The following AMD1 variants were observed in gnomAD, a reference collection of about 807,000 sequenced individuals.
The protein encoded by AMD1 is adenosylmethionine decarboxylase 1.
A neutral mutation model predicts 40.2 loss-of-function variants in AMD1; 11 were observed. The observed-to-expected ratio is 0.27, with a 90% CI of 0.17 to 0.45. AMD1 has a LOEUF of 0.45. Among genes scored for constraint, AMD1 ranks in the 20% least tolerant of loss-of-function variants. The probability of loss-of-function intolerance (pLI) is 1.00; values close to 1 mark genes in which losing one functional copy is unlikely to be tolerated. For synonymous variants in AMD1, 121 were observed against 130.8 expected, an observed-to-expected ratio of 0.93 and a Z score of 0.51; for missense variants, 257 against 410.2, an observed-to-expected ratio of 0.63 and a Z score of 3.23.
chr6:110,880,224 C>G (rs1279598), intron 1 of AMD1, among the ~76,000 whole-genome samples: 107,008 of 152,058 alleles, frequency 0.7, 38,330 homozygotes, highest in Admixed American at 0.82. Flanking sequence ...GTCCCTTTGT[C>G]CATTTTTTAA....
At chr6:110,847,472 C>A in the AMD1 span, among the ~76,000 whole-genome samples, 1 of 151,528 alleles carries the variant, frequency 6.6e-6, no homozygotes, top group South Asian at 2.1e-4. Flanking sequence ...TTGCAGTGAG[C>A]CGAGATCGCG....
At chr6:110,866,959 G>A in the AMD1 span, among the ~76,000 whole-genome samples, 2 of 151,178 alleles carry the variant, frequency 1.3e-5, no homozygotes, top group Non-Finnish European at 2.9e-5. Context: ...GATTACATGC[G>A]CCCAACATCG....
the AMD1 span, chr6:110,858,703 C>T: frequency 1.0e-5 from 8 of 778,422 alleles, no homozygotes; most frequent in African/African-American, 1.9e-5. Context: ...CGAACTTCGA[C>T]GACGCCACCA....
At position 110,893,918 on chromosome 6, in the gene AMD1, A is replaced by G. The variant is rs558779631; in HGVS notation, c.*302A>G. 3.3e-6 allele frequency: 1 copy of G among 305,684 alleles called. No homozygotes were observed. Among genetic ancestry groups the G allele is most frequent in the East Asian group, 7.2e-5 (1 of 13,894 alleles). The allele number at this position is 305,684 out of a possible 1,614,324, so 18.9% of individuals were successfully genotyped here. On this transcript the variant is annotated 3_prime_UTR_variant, in exon 9 of 9. Coordinates refer to ENST00000368885, the MANE Select transcript of AMD1 (RefSeq NM_001634.6). Reference sequence around the variant, plus strand: ...AAACTTTACAACACTTGTGAAAGCAACTCAATTTGGTTTATGCACAGTGTA... The same window carrying G: ...AAACTTTACAACACTTGTGAAAGCAGCTCAATTTGGTTTATGCACAGTGTA...
chr6:110,814,748 G>C, the AMD1 span: 3 of 638,018 alleles, frequency 4.7e-6, no homozygotes, highest in Admixed American at 4.2e-5. Context: ...CCGTCTCCGA[G>C]CACTCGGAGG....
chr6:110,875,666 G>C (rs781192), intron 1 of AMD1: 152,708 of 154,134 alleles, frequency 0.99, 75,664 homozygotes, highest in Middle Eastern at 1. Context: ...CGGGCGTGCC[G>C]GCTTCGGGGA....
At chr6:110,831,412 C>T in the AMD1 span, among the ~76,000 whole-genome samples, 498 of 151,204 alleles carry the variant, frequency 3.3e-3, 2 homozygotes, top group African/African-American at 0.011. Context: ...GTACTCCAAC[C>T]TGGGCGACAG....
the AMD1 span, among the ~76,000 whole-genome samples, chr6:110,818,443 G>A: frequency 6.6e-6 from 1 of 152,124 alleles, no homozygotes; most frequent in East Asian, 1.9e-4. Context: ...TTAATTTGTA[G>A]CTACTTGTGG....
the AMD1 span, among the ~76,000 whole-genome samples, chr6:110,842,378 A>G: frequency 6.6e-6 from 1 of 152,208 alleles, no homozygotes; most frequent in East Asian, 1.9e-4. Context: ...AAAAGGCAGC[A>G]GGCTTAATGT....
At chr6:110,845,884 T>A in the AMD1 span, among the ~76,000 whole-genome samples, 2 of 152,222 alleles carry the variant, frequency 1.3e-5, no homozygotes, top group Non-Finnish European at 2.9e-5. Flanking sequence ...GAACCTTGAC[T>A]AATACACCAG....
chr6:110,847,063 G>GTGTGTGTGTGGT, the AMD1 span, among the ~76,000 whole-genome samples: 9 of 143,180 alleles, frequency 6.3e-5, no homozygotes, highest in Non-Finnish European at 9.3e-5. Flanking sequence ...GTGTGTGTGT[G>GTGTGTGTGTGGT]GTGTGTGTGT....
At chr6:110,820,969 T>C in the AMD1 span, among the ~76,000 whole-genome samples, 4 of 152,008 alleles carry the variant, frequency 2.6e-5, no homozygotes, top group Non-Finnish European at 5.9e-5. Flanking sequence ...CAACAGAACA[T>C]AGTGTGGGAC....
At chr6:110,814,933 C>G in the AMD1 span, 4 of 1,583,202 alleles carry the variant, frequency 2.5e-6, no homozygotes, top group African/African-American at 4.2e-5. Context: ...CGACTGGGAT[C>G]CGACCCACCC....
At chr6:110,872,999 A>G (rs2115262336), upstream of AMD1, among the ~76,000 whole-genome samples, 1 of 152,354 alleles carries the variant, frequency 6.6e-6, no homozygotes, top group African/African-American at 2.4e-5. Context: ...CAAGTAGAGT[A>G]ACCACATTCT....
At chr6:110,884,536 C>CA (rs1235093990) in intron 1 of AMD1, among the ~76,000 whole-genome samples, 1 of 152,156 alleles carries the variant, frequency 6.6e-6, no homozygotes, top group Non-Finnish European at 1.5e-5. Flanking sequence ...TGGGCTCAAG[C>CA]AAACTTCCCA....
the AMD1 span, among the ~76,000 whole-genome samples, chr6:110,829,737 T>G: frequency 6.6e-6 from 1 of 151,866 alleles, no homozygotes; most frequent in South Asian, 2.1e-4. Context: ...TCCCAGCTAC[T>G]TGAGAGGCTG....
intron 1 of AMD1, among the ~76,000 whole-genome samples, chr6:110,876,781 T>C (rs1307627856): frequency 6.6e-6 from 1 of 152,220 alleles, no homozygotes; most frequent in Non-Finnish European, 1.5e-5. Flanking sequence ...GGTAAAACGA[T>C]TGTGATCAGG....
the AMD1 span, among the ~76,000 whole-genome samples, chr6:110,850,823 G>A: frequency 2.1e-4 from 32 of 152,112 alleles, no homozygotes; most frequent in Admixed American, 3.3e-4. Context: ...AGGACTGAGC[G>A]TGGTGATTAC....
intron 1 of AMD1, 133 bp downstream of exon 1, chr6:110,875,348 CG>C (rs1785037074): frequency 1.3e-6 from 1 of 764,506 alleles, no homozygotes; most frequent in Non-Finnish European, 2.1e-6. Context: ...GTCGCTTCGG[CG>C]GCCTTGGAAG....
Sources: allele counts gnomAD v4.1 joint callset (sites outside exome capture counted in the v4.1 genomes callset), GRCh38; gene constraint gnomAD v4.1.1; transcripts MANE v1.5; gene names NCBI Gene and HGNC (gene_info 2026-07-23, HGNC 2026-07-21).